Variants in TG observed in about 807,000 individuals in gnomAD.
TG encodes the protein thyroglobulin, also known as thyroid hormones.
A neutral mutation model predicts 324.7 loss-of-function variants in TG; 270 were observed. The ratio of observed to expected loss-of-function variants is 0.83; its 90% CI spans 0.75 to 0.92. TG has a LOEUF of 0.92. TG is among the 40% of genes least tolerant of loss of function. The probability of loss-of-function intolerance (pLI) is 0.00; values close to 1 mark genes in which losing one functional copy is unlikely to be tolerated. For missense variants in TG, 3,591 were observed against 3,456.4 expected (o/e 1.04, Z -0.98); for synonymous variants, 1,401 against 1,327.0 (o/e 1.06, Z -1.21).
intron 41 of TG, chr8:133,060,041 C>T (rs1842139569): frequency 6.6e-7 from 1 of 1,506,244 alleles, no homozygotes; most frequent in South Asian, 1.4e-5. Context: ...ACCGCCCAGT[C>T]TTTACCACAG....
intron 26 of TG, among the ~76,000 whole-genome samples, chr8:132,947,600 G>A (rs1424563518): frequency 2.6e-5 from 4 of 151,420 alleles, no homozygotes; most frequent in Admixed American, 2.0e-4. Flanking sequence ...AAATTAGAAT[G>A]AGGAATGGAG....
intron 35 of TG, among the ~76,000 whole-genome samples, chr8:132,993,131 G>A (rs1424634063): frequency 6.6e-6 from 1 of 152,192 alleles, no homozygotes; most frequent in African/African-American, 2.4e-5. Flanking sequence ...GTATAGAGTA[G>A]ATGCTCAATA....
At chr8:133,075,269 C>G in intron 41 of TG, 1 of 310,582 alleles carries the variant, frequency 3.2e-6, no homozygotes, top group Non-Finnish European at 4.7e-6. Flanking sequence ...TGAATTTGCT[C>G]TTGTACATCC....
chr8:133,039,111 TTA>T (rs1837664283), intron 41 of TG, among the ~76,000 whole-genome samples: 1 of 152,152 alleles, frequency 6.6e-6, no homozygotes, highest in Non-Finnish European at 1.5e-5. Context: ...ACTCCTGACC[TTA>T]GGTGATCTGC....
In TG at chr8:133,045,231, G is replaced by A. The variant is rs16904808; in HGVS notation, c.7239+15208G>A. 5,194 of 1,037,756 alleles carry A rather than the reference G, an allele frequency of 5.0e-3. 173 individuals are homozygous for A. The African/African-American group carries it at 0.071, about 14-fold the overall frequency. 64.3% of individuals were successfully genotyped at this position (1,037,756 alleles called of 1,614,324 possible). On this transcript the variant is annotated intron_variant, in intron 41 of 47. Transcript: ENST00000220616. Reference sequence around the variant, plus strand: ...ACCTGCCCACCCTTGGGATACAACAGTGATGCTAGGATGCAGCCCCTCCCT... The same window carrying A: ...ACCTGCCCACCCTTGGGATACAACAATGATGCTAGGATGCAGCCCCTCCCT...
chr8:133,019,608 C>A lies in TG; in HGVS notation c.6789C>A (p.Ser2263Arg), dbSNP rs1835375324. 10 of 1,613,450 alleles carry A rather than the reference C, an allele frequency of 6.2e-6. No individual in the cohort carries two copies. Among genetic ancestry groups the A allele is most frequent in the Middle Eastern group, 1.6e-4 (1 of 6,080 alleles). Residue 2263 changes from serine (S) to arginine (R), a missense_variant, in exon 39 of 48, where the codon AGC (serine) becomes AGA (arginine). Transcript: ENST00000220616. Reference sequence around the variant, plus strand: ...ACCCAGTCTGTATCTGCAGGGCCAGCTGCTGGCAGCCAGGCACCAGAACAT... The same window carrying A: ...ACCCAGTCTGTATCTGCAGGGCCAGATGCTGGCAGCCAGGCACCAGAACAT... ...GSWDASKPRA[S>R]CWQPGTRTST...
intron 35 of TG, among the ~76,000 whole-genome samples, chr8:132,991,441 G>C (rs1160084449): frequency 1.3e-5 from 2 of 152,228 alleles, no homozygotes; most frequent in Non-Finnish European, 2.9e-5. Context: ...AGAAGGCCCA[G>C]GTGAGTGGCC....
chr8:132,898,546 C>T (rs1480334102), intron 13 of TG, among the ~76,000 whole-genome samples: 1 of 152,214 alleles, frequency 6.6e-6, no homozygotes, highest in Non-Finnish European at 1.5e-5. Context: ...GTAGTTTCAG[C>T]AACCGCCTCG....
chr8:133,007,243 C>T (rs371377788), intron 35 of TG, among the ~76,000 whole-genome samples: 8 of 151,156 alleles, frequency 5.3e-5, no homozygotes, highest in East Asian at 3.9e-4. Context: ...GGAGTAAGAC[C>T]GGGAGAAGGG....
At chr8:133,128,333 GCGTGCACACA>G (rs1261084482) in intron 45 of TG, among the ~76,000 whole-genome samples, 2 of 54,702 alleles carry the variant, frequency 3.7e-5, no homozygotes, top group African/African-American at 1.5e-4. Context: ...GAAACAAAAG[GCGTGCACACA>G]CACACACACA....
chr8:133,062,692 G>T (rs2131348320), intron 41 of TG, among the ~76,000 whole-genome samples: 1 of 151,728 alleles, frequency 6.6e-6, no homozygotes, highest in South Asian at 2.1e-4. Context: ...CAGGAAGCAT[G>T]CCTGTGACAC....
At chr8:133,133,430 A>G in intron 46 of TG, 40 bp from the exon 47 acceptor site, 1 of 1,599,166 alleles carries the variant, frequency 6.3e-7, no homozygotes, top group Non-Finnish European at 8.6e-7. Flanking sequence ...AGGAAAGACA[A>G]ATTTCCCTCA....
In TG at chr8:132,919,360, C is replaced by A. The variant is rs768363269; in HGVS notation, c.4379-16C>A. 1 of 1,613,016 alleles carries A rather than the reference C, an allele frequency of 6.2e-7. No individual in the cohort carries two copies. Among genetic ancestry groups the A allele is most frequent in the East Asian group, 2.2e-5 (1 of 44,862 alleles). ...TGTGTCTTGATTTTTAACATCATTT[C>A]TCTGTTTTTTTCTAGTTAAGTGTCC... is the stretch of plus-strand genomic sequence containing the variant. On this transcript the variant is annotated splice_polypyrimidine_tract_variant and intron_variant, in intron 20 of 47. Coordinates refer to ENST00000220616, the MANE Select transcript of TG (RefSeq NM_003235.5).
rs1839144302 is a variant in TG, at chr8:132,868,160, G to A, written c.113G>A (p.Arg38Lys). 3 of 1,614,052 alleles carry A rather than the reference G, an allele frequency of 1.9e-6. No homozygotes were observed. The highest frequency in any genetic ancestry group is 1.7e-5 in the Admixed American group (1 of 60,002). ...CCCCTTCGTCCCTGTGAGCTGCAGA[G>A]GGAAACGGCCTTTCTGAAGCAAGCA... Reference protein sequence around the residue: ...AQPLRPCELQRETAFLKQADY... With the variant: ...AQPLRPCELQKETAFLKQADY... The change falls in exon 2 of 48, where the codon AGG becomes AAG. Residue 38 changes from arginine to lysine, a missense_variant. Arg to Lys is a conservative substitution (Grantham distance 26). Coordinates refer to ENST00000220616, the MANE Select transcript of TG (RefSeq NM_003235.5).
chr8:133,115,554 C>T (rs567533371), intron 44 of TG, among the ~76,000 whole-genome samples: 110 of 152,334 alleles, frequency 7.2e-4, no homozygotes, highest in South Asian at 2.1e-3. Flanking sequence ...GAAAGGAAGA[C>T]GGGCACCCCT....
At chr8:133,101,485 C>G (rs1849242622) in intron 43 of TG, among the ~76,000 whole-genome samples, 1 of 152,206 alleles carries the variant, frequency 6.6e-6, no homozygotes, top group Admixed American at 6.5e-5. Context: ...GGGCCTCAAT[C>G]TCAGCCATGC....
chr8:133,059,636 C>T (rs573766119), intron 41 of TG, among the ~76,000 whole-genome samples: 2 of 152,024 alleles, frequency 1.3e-5, no homozygotes, highest in Admixed American at 1.3e-4. Context: ...CAGGATGGTG[C>T]CTAGCTTAGA....
intron 26 of TG, among the ~76,000 whole-genome samples, chr8:132,946,224 A>T (rs958529200): frequency 7.9e-5 from 12 of 152,110 alleles, no homozygotes; most frequent in Admixed American, 2.0e-4. Flanking sequence ...TCAAGCTGGA[A>T]AGGTTGATTT....
In TG at chr8:132,948,936, C is replaced by T. The variant is rs377690345; in HGVS notation, c.5394C>T (p.Phe1798=). Residue 1798 remains phenylalanine, a synonymous_variant, in exon 27 of 48, where the codon TTC becomes TTT. Transcript: ENST00000220616. ...QVILRLGDQE[F]IKSLTPLEGT... is the part of the protein sequence containing the mutation. Reference sequence around the variant, plus strand: ...TATTGCGTCTTGGAGACCAGGAGTTCATCAAGAGTAAGTCTTTGCCATTTG... The same window carrying T: ...TATTGCGTCTTGGAGACCAGGAGTTTATCAAGAGTAAGTCTTTGCCATTTG... The T allele has an allele frequency of 1.3e-5, 21 of 1,613,266 alleles. No homozygotes were observed. The highest frequency in any genetic ancestry group is 1.7e-5 in the Non-Finnish European group (20 of 1,179,954).
Sources: allele counts gnomAD v4.1 joint callset (sites outside exome capture counted in the v4.1 genomes callset), GRCh38; gene constraint gnomAD v4.1.1; transcripts MANE v1.5; gene names NCBI Gene and HGNC (gene_info 2026-07-23, HGNC 2026-07-21).